The following EPHA5 variants were observed in gnomAD, a reference collection of about 807,000 sequenced individuals.
EPHA5 encodes EPH receptor A5.
Under a neutral mutation model 105.0 loss-of-function variants are expected in EPHA5, and 60 were observed. The ratio of observed to expected loss-of-function variants is 0.57; its 90% CI spans 0.46 to 0.71. The LOEUF (loss-of-function observed/expected upper bound fraction) is 0.71, where lower values mean the gene tolerates loss of function less well. Ranked by LOEUF, EPHA5 falls within the 30% of genes least tolerant of loss-of-function variation. The pLI, the probability that EPHA5 is intolerant of heterozygous loss-of-function variation, is 0.00. For synonymous variants in EPHA5, 513 were observed against 449.1 expected, an observed-to-expected ratio of 1.14 and a Z score of -1.80; for missense variants, 1,218 against 1,274.7, an observed-to-expected ratio of 0.96 and a Z score of 0.68.
intron 3 of EPHA5, among the ~76,000 whole-genome samples, chr4:65,533,938 A>T (rs373123225): frequency 1.2e-3 from 157 of 134,842 alleles, no homozygotes; most frequent in African/African-American, 3.9e-3. Context: ...ATCTCAAAAA[A>T]AAATAAATAA....
intron 16 of EPHA5, chr4:65,330,571 AT>A: frequency 4.5e-6 from 2 of 441,090 alleles, no homozygotes; most frequent in East Asian, 1.2e-4. Flanking sequence ...AATGCAAATA[AT>A]TTTATTATAT....
intron 5 of EPHA5, among the ~76,000 whole-genome samples, chr4:65,470,156 TGAA>T (rs1390923457): frequency 6.6e-6 from 1 of 151,852 alleles, no homozygotes; most frequent in Non-Finnish European, 1.5e-5. Context: ...TGGCAGTAAC[TGAA>T]GAAGTCTGTG....
At chr4:65,465,523 G>GAAAGAAAGA (rs1560567305) in intron 5 of EPHA5, among the ~76,000 whole-genome samples, 3 of 86,516 alleles carry the variant, frequency 3.5e-5, no homozygotes, top group Non-Finnish European at 4.7e-5. Flanking sequence ...AAGAAAGAAA[G>GAAAGAAAGA]AAAGAAAAGA....
intron 6 of EPHA5, among the ~76,000 whole-genome samples, chr4:65,418,860 C>CTGTTTTTTTTTTTTTTTTTTTTTTTTT (rs1560516457): frequency 1.3e-5 from 1 of 79,808 alleles, no homozygotes; most frequent in Non-Finnish European, 2.4e-5. Context: ...CTTACCTAAA[C>CTGTTTTTTTTTTTTTTTTTTTTTTTTT]TCTTTTTTTT....
chr4:65,516,614 G>GT (rs1227688313), intron 3 of EPHA5, among the ~76,000 whole-genome samples: 1 of 151,916 alleles, frequency 6.6e-6, no homozygotes, highest in Non-Finnish European at 1.5e-5. Context: ...TACTGGTTCT[G>GT]TTTTTCTGGA....
intron 1 of EPHA5, among the ~76,000 whole-genome samples, chr4:65,660,658 T>G (rs1749479725): frequency 6.6e-6 from 1 of 151,922 alleles, no homozygotes; most frequent in Non-Finnish European, 1.5e-5. Flanking sequence ...GAATCTGAGG[T>G]GGATGGTTCA....
rs80097716 is a variant in EPHA5 at position 65,454,849 on chromosome 4, G to T, written c.1403-34284C>A. On this transcript the variant is annotated intron_variant, in intron 5 of 16. Transcript: ENST00000613740. ...AAATGGGTTATGAATAGCCTTTTGG[G>T]AATTAACTTATTTTTAAGTAGAGAG... Among the ~76,000 whole-genome samples the T allele has an allele frequency of 9.9e-3, 1,501 of 152,240 alleles. 20 individuals are homozygous for T. Among genetic ancestry groups the T allele is most frequent in the African/African-American group, 0.034 (1,419 of 41,540 alleles).
At chr4:65,669,318 C>G (rs113792386) in intron 1 of EPHA5, 74 of 896,266 alleles carry the variant, frequency 8.3e-5, no homozygotes, top group Non-Finnish European at 9.6e-5. Flanking sequence ...TCCCAGCCCC[C>G]CAACCAGCCT....
chr4:65,327,586 A>G (rs1720205535), intron 16 of EPHA5, among the ~76,000 whole-genome samples: 1 of 151,318 alleles, frequency 6.6e-6, no homozygotes, highest in South Asian at 2.1e-4. Flanking sequence ...GATTTAGAAG[A>G]TAGGATAACT....
chr4:65,489,207 T>G (rs1731178329), intron 5 of EPHA5, among the ~76,000 whole-genome samples: 2 of 152,150 alleles, frequency 1.3e-5, no homozygotes, highest in South Asian at 2.1e-4. Flanking sequence ...AGCTGCATGC[T>G]TTTTCTTATT....
chr4:65,383,289 C>T (rs1309556635), intron 8 of EPHA5, among the ~76,000 whole-genome samples: 1 of 150,574 alleles, frequency 6.6e-6, no homozygotes, highest in Admixed American at 6.7e-5. Context: ...AAATTAAAGT[C>T]AGATGTGGTT....
chr4:65,584,522 T>A (rs796448632), intron 3 of EPHA5, among the ~76,000 whole-genome samples: 1 of 151,776 alleles, frequency 6.6e-6, no homozygotes, highest in Non-Finnish European at 1.5e-5. Context: ...CCTAAACATA[T>A]CAACTTTTCC....
intron 2 of EPHA5, among the ~76,000 whole-genome samples, chr4:65,610,445 T>G (rs2149456618): frequency 6.6e-6 from 1 of 152,152 alleles, no homozygotes; most frequent in African/African-American, 2.4e-5. Context: ...GACTGAATCA[T>G]CTATACACCA....
intron 5 of EPHA5, among the ~76,000 whole-genome samples, chr4:65,465,531 AGAAAGGAAAGGAAGG>A (rs1235264805): frequency 1.3e-5 from 1 of 78,246 alleles, no homozygotes; most frequent in Non-Finnish European, 2.5e-5. Flanking sequence ...AAGAAAGAAA[AGAAAGGAAAGGAAGG>A]AAAGGAAGGA....
chr4:65,523,788 A>G (rs1365666565), intron 3 of EPHA5, among the ~76,000 whole-genome samples: 1 of 151,918 alleles, frequency 6.6e-6, no homozygotes, highest in South Asian at 2.1e-4. Flanking sequence ...ACTACTGACT[A>G]AGAGATTTGA....
rs536846357 is a variant in EPHA5, at chr4:65,458,438, C to T, written c.1402+31939G>A. Among the ~76,000 whole-genome samples the T allele has an allele frequency of 2.0e-5, 3 of 152,254 alleles. No homozygotes were observed. In the South Asian group the frequency reaches 6.2e-4, roughly 32 times the overall value. ...GCCTTTACTCAATATGTTTCCATAA[C>T]TCAACATGCTCTTTTCCATCTTAGC... On this transcript the variant is annotated intron_variant, in intron 5 of 16. Coordinates refer to ENST00000613740, the MANE Select transcript of EPHA5 (RefSeq NM_001281766.3).
At chr4:65,407,424 T>A (rs1722467604) in intron 7 of EPHA5, among the ~76,000 whole-genome samples, 1 of 152,126 alleles carries the variant, frequency 6.6e-6, no homozygotes, top group Admixed American at 6.5e-5. Context: ...AAGACCTAAA[T>A]TAACAATGTG....
chr4:65,360,309 AG>A (rs1302015732), intron 11 of EPHA5, among the ~76,000 whole-genome samples: 1 of 151,746 alleles, frequency 6.6e-6, no homozygotes. Flanking sequence ...CCCACTGATT[AG>A]TAAGAATAGG....
At chr4:65,334,471 T>C (rs67447187) in intron 15 of EPHA5, among the ~76,000 whole-genome samples, 25,196 of 151,900 alleles carry the variant, frequency 0.17, 2,270 homozygotes, top group East Asian at 0.33. Context: ...AATAAAATCA[T>C]TGAAGGAGAA....
Sources: gnomAD v4.1 joint callset for allele counts (sites outside exome capture counted in the v4.1 genomes callset) on GRCh38, gnomAD v4.1.1 for gene constraint, MANE v1.5 for transcripts, NCBI Gene and HGNC (gene_info 2026-07-23, HGNC 2026-07-21) for gene names.